The following AGAP1 variants were observed in gnomAD, a reference collection of about 807,000 sequenced individuals.
The protein encoded by AGAP1 is ArfGAP with GTPase domain, ankyrin repeat and PH domain 1.
AGAP1 carries 29 observed loss-of-function variants against 105.3 expected under a neutral mutation model. That is an observed-to-expected ratio of 0.28 (90% confidence interval 0.21 to 0.38). The LOEUF (loss-of-function observed/expected upper bound fraction) is 0.38. Ranked by LOEUF, AGAP1 falls within the 10% of genes least tolerant of loss-of-function variation. AGAP1 has a pLI of 1.00. For missense variants in AGAP1, 998 were observed against 1,165.1 expected (o/e 0.86, Z 2.09); for synonymous variants, 509 against 485.9 (o/e 1.05, Z -0.63).
At position 236,098,620 on chromosome 2, in the gene AGAP1, C is replaced by CTTTT. The variant is rs34419216; in HGVS notation, c.2115-21556_2115-21553dup. On this transcript the variant is annotated intron_variant, in intron 16 of 17. Transcript: ENST00000304032. ...GCTGACTTGATGAAATCTTTTTTTC[C>CTTTT]TTTTTTTTTTTTTTTTTTTAGAGAA... Among the ~76,000 whole-genome samples, 96 of 115,234 alleles carry CTTTT rather than the reference C, an allele frequency of 8.3e-4. 2 individuals carry two copies. Among genetic ancestry groups the CTTTT allele is most frequent in the African/African-American group, 2.0e-3 (51 of 25,788 alleles). The allele number at this position is 115,234 out of a possible 152,430, so 75.6% of individuals were successfully genotyped here.
intron 13 of AGAP1, among the ~76,000 whole-genome samples, chr2:236,023,154 C>T (rs73121852): frequency 0.03 from 4,635 of 152,234 alleles, 216 homozygotes; most frequent in African/African-American, 0.097. Flanking sequence ...TCTGAGTTTC[C>T]GACCCCGTTG....
intron 9 of AGAP1, among the ~76,000 whole-genome samples, chr2:235,844,962 C>G (rs973797619): frequency 2.6e-5 from 4 of 152,184 alleles, no homozygotes; most frequent in East Asian, 3.9e-4. Flanking sequence ...CCGCCTCCCC[C>G]ACTAGACTCT....
intron 9 of AGAP1, among the ~76,000 whole-genome samples, chr2:235,832,105 C>A (rs769198079): frequency 2.6e-5 from 4 of 152,088 alleles, no homozygotes; most frequent in Non-Finnish European, 5.9e-5. Flanking sequence ...ATCTGTAGGT[C>A]GTCTTTGGTG....
At chr2:235,841,591 C>G (rs530695514) in intron 9 of AGAP1, among the ~76,000 whole-genome samples, 3 of 152,278 alleles carry the variant, frequency 2.0e-5, no homozygotes, top group African/African-American at 7.2e-5. Context: ...GATCTCGCCA[C>G]TGCACTCCAG....
chr2:235,558,842 A>G (rs1312082729), intron 1 of AGAP1, among the ~76,000 whole-genome samples: 2 of 152,158 alleles, frequency 1.3e-5, no homozygotes, highest in African/African-American at 4.8e-5. Context: ...GAGCACATAC[A>G]CATGTGAGTG....
In AGAP1 at chr2:236,113,695, G is replaced by A. The variant is rs921847057; in HGVS notation, c.2115-6497G>A. 7.9e-5 allele frequency among the ~76,000 whole-genome samples: 12 copies of A among 152,140 alleles called. No homozygotes were observed. The highest frequency in any genetic ancestry group is 1.3e-4 in the Non-Finnish European group (9 of 68,026). On this transcript the variant is annotated intron_variant, in intron 16 of 17. Transcript: ENST00000304032. The surrounding 1 kb of genome is among the most constrained non-coding windows in gnomAD (Gnocchi z 4.3). ...GCCAAGTCACCACCCCTCAAGGTCA[G>A]GTGCGGCAAAGCCCGTCAGGCAGCA... is the stretch of plus-strand genomic sequence containing the variant.
rs1229889109 is a variant in AGAP1, at chr2:236,105,242, C to A, written c.2115-14950C>A. 6.6e-6 allele frequency among the ~76,000 whole-genome samples: 1 copy of A among 152,094 alleles called. No individual in the cohort carries two copies. On this transcript the variant is annotated intron_variant, in intron 16 of 17. Coordinates refer to ENST00000304032, the MANE Select transcript of AGAP1 (RefSeq NM_001037131.3). The surrounding 1 kb of genome is among the most constrained non-coding windows in gnomAD (Gnocchi z 4.2). The stretch of plus-strand genomic sequence containing the variant: ...TCTGAATGGAAAAATCCAAAACATC[C>A]CACTTTAAGAACCCTGCATGCACAC...
rs1575066255 is a variant in AGAP1 at position 235,663,058 on chromosome 2, C to T, written c.164-46121C>T. On this transcript the variant is annotated intron_variant, in intron 1 of 17. Coordinates refer to ENST00000304032, the MANE Select transcript of AGAP1 (RefSeq NM_001037131.3). This position sits in a 1 kb window ranked among gnomAD's most constrained non-coding sequence, Gnocchi z 5.4. ...GAGGAAGGAGAGCTGGGTATGGTGGCTCACACCTGTAATCCCAGCACTTTG... is the reference window on the plus strand; with the variant it reads ...GAGGAAGGAGAGCTGGGTATGGTGGTTCACACCTGTAATCCCAGCACTTTG... Among the ~76,000 whole-genome samples, 1 of 152,180 alleles carries T rather than the reference C, an allele frequency of 6.6e-6. No individual in the cohort carries two copies. Among genetic ancestry groups the T allele is most frequent in the Non-Finnish European group, 1.5e-5 (1 of 68,024 alleles).
rs2060062743 is a variant in AGAP1, at chr2:236,130,104, C to G, written c.*5982C>G. On this transcript the variant is annotated 3_prime_UTR_variant, in exon 18 of 18. Coordinates refer to ENST00000304032, the MANE Select transcript of AGAP1 (RefSeq NM_001037131.3). The surrounding 1 kb of genome is among the most constrained non-coding windows in gnomAD (Gnocchi z 5.8). ...CATGGGCTCTGAAAGCCCCAGAGCT[C>G]AGGCCTAAGGCTGCTAGGTGAGACC... 6.6e-6 allele frequency: 1 copy of G among 152,256 alleles called. No homozygotes were observed. Among genetic ancestry groups the G allele is most frequent in the East Asian group, 1.9e-4 (1 of 5,194 alleles). The allele number at this position is 152,256 out of a possible 1,614,324, so 9.4% of individuals were successfully genotyped here. A position where few individuals can be genotyped will look rare whatever the true frequency, so the allele number is the denominator to read the frequency against.
Position 235,741,716 on chromosome 2 carries a change from G to A in AGAP1, c.396+668G>A, listed in dbSNP as rs1013215583. ...TATTATTATTGTTATTATTATTATTGTTGTTGTTGTTATTATTATTATTGT... is the reference window on the plus strand; with the variant it reads ...TATTATTATTGTTATTATTATTATTATTGTTGTTGTTATTATTATTATTGT... On this transcript the variant is annotated intron_variant, in intron 4 of 17. Coordinates refer to ENST00000304032, the MANE Select transcript of AGAP1 (RefSeq NM_001037131.3). The surrounding 1 kb of genome is among the most constrained non-coding windows in gnomAD (Gnocchi z 4.9). Among the ~76,000 whole-genome samples, 7 of 147,840 alleles carry A rather than the reference G, an allele frequency of 4.7e-5. No homozygotes were observed. The highest frequency in any genetic ancestry group is 7.7e-5 in the African/African-American group (3 of 38,946).
intron 1 of AGAP1, among the ~76,000 whole-genome samples, chr2:235,545,611 C>G (rs1171427599): frequency 6.6e-6 from 1 of 152,190 alleles, no homozygotes; most frequent in Admixed American, 6.5e-5. Context: ...CGTCACTGCC[C>G]TTAGTGGAGT....
chr2:235,802,321 T>C (rs1575502786), intron 8 of AGAP1, among the ~76,000 whole-genome samples: 1 of 152,344 alleles, frequency 6.6e-6, no homozygotes, highest in East Asian at 1.9e-4. Flanking sequence ...AACTCATTGT[T>C]ACAGTGACCA....
intron 1 of AGAP1, among the ~76,000 whole-genome samples, chr2:235,528,291 G>A (rs560601992): frequency 7.2e-4 from 110 of 151,864 alleles, no homozygotes; most frequent in African/African-American, 2.4e-3. Context: ...CTGCTGGAGC[G>A]CACAAATTCT....
chr2:235,735,915 C>A (rs75508503), intron 3 of AGAP1, among the ~76,000 whole-genome samples: 2 of 151,874 alleles, frequency 1.3e-5, no homozygotes, highest in Non-Finnish European at 2.9e-5. Flanking sequence ...GTAGCTCGGG[C>A]GAGGTGAGAG....
At chr2:235,634,725 T>C (rs1946936123) in intron 1 of AGAP1, among the ~76,000 whole-genome samples, 1 of 152,232 alleles carries the variant, frequency 6.6e-6, no homozygotes, top group East Asian at 1.9e-4. Flanking sequence ...TTCTCTGTGT[T>C]CTTGCTTTAG....
intron 6 of AGAP1, among the ~76,000 whole-genome samples, chr2:235,783,603 T>TA (rs1186479141): frequency 6.6e-6 from 1 of 152,178 alleles, no homozygotes; most frequent in African/African-American, 2.4e-5. Context: ...CACAAAACAT[T>TA]ATGCTCTGTG....
rs1286713613 is a variant in AGAP1, at chr2:235,976,237, C to G, written c.1645+7614C>G. Among the ~76,000 whole-genome samples the G allele has an allele frequency of 6.6e-6, 1 of 152,130 alleles. No individual in the cohort carries two copies. The highest frequency in any genetic ancestry group is 2.4e-5 in the African/African-American group (1 of 41,416). On this transcript the variant is annotated intron_variant, in intron 13 of 17. Transcript: ENST00000304032. The surrounding 1 kb of genome is among the most constrained non-coding windows in gnomAD (Gnocchi z 4.5). ...ATGACTTTTCCAAAGACAGTTTGCT[C>G]TCAGGTTGTAACTCCAGCTTCCAAG... is the stretch of plus-strand genomic sequence containing the variant.
At chr2:236,047,208 G>A (rs766052430) in intron 15 of AGAP1, among the ~76,000 whole-genome samples, 2 of 152,210 alleles carry the variant, frequency 1.3e-5, no homozygotes, top group Admixed American at 6.5e-5. Flanking sequence ...TTTGGGTTTC[G>A]CCCTGGAACA....
intron 1 of AGAP1, among the ~76,000 whole-genome samples, chr2:235,503,067 A>G (rs1256052111): frequency 1.3e-5 from 2 of 152,116 alleles, no homozygotes; most frequent in African/African-American, 2.4e-5. Context: ...CACAAGACCT[A>G]CCCTTTTTTC....
Sources: allele counts gnomAD v4.1 joint callset (sites outside exome capture counted in the v4.1 genomes callset), GRCh38; gene constraint gnomAD v4.1.1; non-coding constraint Gnocchi (gnomAD v3.1); transcripts MANE v1.5; gene names NCBI Gene and HGNC (gene_info 2026-07-23, HGNC 2026-07-21).